Variants in MGAT4C observed in about 807,000 individuals in gnomAD.
MGAT4C encodes the protein MGAT4 family member C, also known as alpha-1,3-mannosyl-glycoprotein 4-beta-N-acetylglucosaminyltransferase C.
A neutral mutation model predicts 40.1 loss-of-function variants in MGAT4C; 19 were observed. That is an observed-to-expected ratio of 0.47 (90% CI 0.33 to 0.70). The LOEUF (loss-of-function observed/expected upper bound fraction) is 0.70. Ranked by LOEUF, MGAT4C falls within the 30% of genes least tolerant of loss-of-function variation. The probability of loss-of-function intolerance (pLI) is 0.02; values close to 1 mark genes in which losing one functional copy is unlikely to be tolerated. For missense variants in MGAT4C, 491 were observed against 563.2 expected, an observed-to-expected ratio of 0.87 and a Z score of 1.30; for synonymous variants, 181 against 187.1, an observed-to-expected ratio of 0.97 and a Z score of 0.27.
chr12:86,457,451 T>G (rs542630410), intron 2 of MGAT4C, among the ~76,000 whole-genome samples: 1 of 152,252 alleles, frequency 6.6e-6, no homozygotes, highest in African/African-American at 2.4e-5. Context: ...AAATGCTTGA[T>G]TTTATTTATG....
intron 2 of MGAT4C, among the ~76,000 whole-genome samples, chr12:86,047,305 C>G (rs1438488738): frequency 2.0e-5 from 3 of 152,086 alleles, no homozygotes. Context: ...TTTTCTGCTT[C>G]AAGACTGCAT....
At chr12:86,445,387 A>G (rs956873663) in intron 2 of MGAT4C, among the ~76,000 whole-genome samples, 1 of 152,220 alleles carries the variant, frequency 6.6e-6, no homozygotes, top group African/African-American at 2.4e-5. Flanking sequence ...CATATTTAGC[A>G]AAATTTATTA....
At chr12:86,757,212 GT>G (rs1951320763) in intron 1 of MGAT4C, among the ~76,000 whole-genome samples, 1 of 141,572 alleles carries the variant, frequency 7.1e-6, no homozygotes, top group African/African-American at 2.6e-5. Flanking sequence ...ACCGGGGCCT[GT>G]TGGGGGTTGG....
At chr12:86,656,943 T>C (rs1963865735) in intron 2 of MGAT4C, among the ~76,000 whole-genome samples, 1 of 152,110 alleles carries the variant, frequency 6.6e-6, no homozygotes. Flanking sequence ...TCAAACATTT[T>C]GATTCTAACA....
chr12:86,251,263 A>G (rs1342751561), intron 1 of MGAT4C, among the ~76,000 whole-genome samples: 9 of 151,972 alleles, frequency 5.9e-5, no homozygotes, highest in African/African-American at 2.2e-4. Flanking sequence ...ATGTAACATA[A>G]AAATCTATTT....
chr12:86,297,832 AACAT>A (rs1254689905), intron 4 of MGAT4C, among the ~76,000 whole-genome samples: 1 of 152,200 alleles, frequency 6.6e-6, no homozygotes, highest in African/African-American at 2.4e-5. Flanking sequence ...GCATGTTACC[AACAT>A]ACATAAATAA....
At chr12:86,197,687 A>G (rs1305562590) in intron 1 of MGAT4C, among the ~76,000 whole-genome samples, 1 of 152,220 alleles carries the variant, frequency 6.6e-6, no homozygotes, top group African/African-American at 2.4e-5. Flanking sequence ...AGCTCAAACT[A>G]AGATAGACAG....
chr12:86,501,392 A>AC (rs377299228), intron 2 of MGAT4C, among the ~76,000 whole-genome samples: 2 of 152,216 alleles, frequency 1.3e-5, no homozygotes, highest in African/African-American at 4.8e-5. Context: ...TTTGTTACAC[A>AC]GTTAAACGCG....
chr12:86,076,247 A>G (rs1473706574), intron 1 of MGAT4C, among the ~76,000 whole-genome samples: 1 of 152,218 alleles, frequency 6.6e-6, no homozygotes, highest in African/African-American at 2.4e-5. Context: ...CCTTTGCTTC[A>G]GTTCCCAACA....
chr12:86,735,072 A>T (rs1950964061), intron 1 of MGAT4C, among the ~76,000 whole-genome samples: 1 of 151,930 alleles, frequency 6.6e-6, no homozygotes, highest in South Asian at 2.1e-4. Flanking sequence ...CTCTACATAA[A>T]CTGTAGAGAA....
At chr12:86,181,839 T>C (rs1888160004) in intron 1 of MGAT4C, among the ~76,000 whole-genome samples, 7 of 152,226 alleles carry the variant, frequency 4.6e-5, no homozygotes. Flanking sequence ...TGATGTGTTA[T>C]GGATTATTTT....
intron 1 of MGAT4C, among the ~76,000 whole-genome samples, chr12:86,098,803 T>A (rs916928152): frequency 6.6e-6 from 1 of 151,648 alleles, no homozygotes; most frequent in Non-Finnish European, 1.5e-5. Flanking sequence ...TTGCACATAA[T>A]GTTTGTGAGA....
At position 86,380,434 on chromosome 12, in the gene MGAT4C, A is replaced by G. The variant is rs556417046; in HGVS notation, c.-119-46307T>C. On this transcript the variant is annotated intron_variant, in intron 3 of 7. Transcript: ENST00000548651. ...GACTGTGACCATGCCATACATTATA[A>G]CATTGCTTGTATGCCAGAAATAAAA... Among the ~76,000 whole-genome samples, 523 of 152,278 alleles carry G rather than the reference A, an allele frequency of 3.4e-3. 4 individuals carry two copies. Among genetic ancestry groups the G allele is most frequent in the African/African-American group, 0.012 (507 of 41,568 alleles).
intron 2 of MGAT4C, among the ~76,000 whole-genome samples, chr12:86,642,364 A>G (rs1963416560): frequency 2.0e-5 from 3 of 151,856 alleles, no homozygotes; most frequent in African/African-American, 2.4e-5. Flanking sequence ...ATGGAAAGAA[A>G]CTCTACAGGA....
intron 2 of MGAT4C, among the ~76,000 whole-genome samples, chr12:86,600,406 A>G (rs1384561579): frequency 6.6e-6 from 1 of 152,204 alleles, no homozygotes; most frequent in Non-Finnish European, 1.5e-5. Context: ...GTTTTAAACA[A>G]GGACATGATG....
intron 1 of MGAT4C, among the ~76,000 whole-genome samples, chr12:86,752,116 A>C (rs977512236): frequency 2.0e-5 from 3 of 151,996 alleles, no homozygotes; most frequent in Non-Finnish European, 4.4e-5. Flanking sequence ...CGCCAAGTAA[A>C]AGCTTCTATG....
At chr12:86,498,058 T>C (rs1958274572) in intron 2 of MGAT4C, among the ~76,000 whole-genome samples, 2 of 149,524 alleles carry the variant, frequency 1.3e-5, no homozygotes, top group Admixed American at 6.8e-5. Context: ...CTTATGAACA[T>C]TTTATGTGCC....
At chr12:86,663,720 C>T (rs1964035506) in intron 2 of MGAT4C, among the ~76,000 whole-genome samples, 1 of 152,126 alleles carries the variant, frequency 6.6e-6, no homozygotes, top group Non-Finnish European at 1.5e-5. Context: ...TACCTAATAG[C>T]CCCCTCCCCT....
At chr12:86,673,079 T>G (rs1964300666) in intron 2 of MGAT4C, among the ~76,000 whole-genome samples, 1 of 152,132 alleles carries the variant, frequency 6.6e-6, no homozygotes, top group Non-Finnish European at 1.5e-5. Flanking sequence ...AATTTCAGGA[T>G]TCAGTGCCAA....
Sources: allele counts gnomAD v4.1 joint callset (sites outside exome capture counted in the v4.1 genomes callset), GRCh38; gene constraint gnomAD v4.1.1; transcripts MANE v1.5; gene names NCBI Gene and HGNC (gene_info 2026-07-23, HGNC 2026-07-21).